The following GRIK1 variants were observed in gnomAD, a reference collection of about 807,000 sequenced individuals.
GRIK1 encodes glutamate receptor ionotropic, kainate 1.
A neutral mutation model predicts 105.7 loss-of-function variants in GRIK1; 69 were observed. That is an observed-to-expected ratio of 0.65 (90% CI 0.54 to 0.80). The LOEUF (loss-of-function observed/expected upper bound fraction) is 0.80, where lower values mean the gene tolerates loss of function less well. Ranked by LOEUF, GRIK1 falls within the 30% of genes least tolerant of loss-of-function variation. The pLI, the probability that GRIK1 is intolerant of heterozygous loss-of-function variation, is 0.00. For missense variants in GRIK1, 1,109 were observed against 1,167.3 expected (o/e 0.95, Z 0.73); for synonymous variants, 438 against 431.3 (o/e 1.02, Z -0.19).
At chr21:29,828,637 G>C (rs539353374) in intron 1 of GRIK1, among the ~76,000 whole-genome samples, 8 of 152,104 alleles carry the variant, frequency 5.3e-5, no homozygotes, top group African/African-American at 1.9e-4. Flanking sequence ...AAGTAGCAGG[G>C]ACTGTAGCTG....
At chr21:29,564,140 C>CATTT (rs572566708) in intron 14 of GRIK1, among the ~76,000 whole-genome samples, 11 of 152,092 alleles carry the variant, frequency 7.2e-5, no homozygotes, top group Admixed American at 2.0e-4. Flanking sequence ...TTTTTCACCA[C>CATTT]ATTTATTTAT....
At chr21:29,761,533 A>T (rs145796729) in intron 1 of GRIK1, 3 of 152,360 alleles carry the variant, frequency 2.0e-5, no homozygotes, top group South Asian at 2.1e-4. Context: ...TGAAATGAAA[A>T]AAAAGCAAAT....
At chr21:29,688,550 T>C (rs760971029) in intron 3 of GRIK1, among the ~76,000 whole-genome samples, 5 of 152,204 alleles carry the variant, frequency 3.3e-5, no homozygotes, top group Admixed American at 6.5e-5. Context: ...TCAATGGTAT[T>C]ATTCTATCCA....
intron 4 of GRIK1, among the ~76,000 whole-genome samples, chr21:29,667,783 A>G (rs752139508): frequency 6.6e-6 from 1 of 152,194 alleles, no homozygotes; most frequent in Non-Finnish European, 1.5e-5. Context: ...TCAGAGAACC[A>G]TTAGGAATGG....
chr21:29,688,849 G>A (rs1001970781), intron 3 of GRIK1, among the ~76,000 whole-genome samples: 5 of 152,116 alleles, frequency 3.3e-5, no homozygotes, highest in African/African-American at 1.2e-4. Flanking sequence ...TGAGGTGCCA[G>A]CCTCAGAAAA....
intron 1 of GRIK1, among the ~76,000 whole-genome samples, chr21:29,829,481 G>A (rs2067566435): frequency 6.6e-6 from 1 of 152,164 alleles, no homozygotes; most frequent in South Asian, 2.1e-4. Flanking sequence ...AACACCCTAT[G>A]AGAACCAAGC....
chr21:29,774,374 A>G (rs1036940809), intron 1 of GRIK1, among the ~76,000 whole-genome samples: 1 of 152,112 alleles, frequency 6.6e-6, no homozygotes, highest in Non-Finnish European at 1.5e-5. Flanking sequence ...CACAGTTGGA[A>G]CAGAGGTAAA....
intron 1 of GRIK1, among the ~76,000 whole-genome samples, chr21:29,788,831 G>T (rs1182022907): frequency 6.6e-6 from 1 of 152,114 alleles, no homozygotes; most frequent in Non-Finnish European, 1.5e-5. Flanking sequence ...TCATAATAGG[G>T]TTCACACTCT....
At chr21:29,636,833 C>CT (rs755208367) in intron 7 of GRIK1, among the ~76,000 whole-genome samples, 30 of 151,418 alleles carry the variant, frequency 2.0e-4, no homozygotes, top group African/African-American at 2.9e-4. Flanking sequence ...AAAACAGTGG[C>CT]TTTTTTTTTA....
chr21:29,673,995 T>A (rs1327034537), intron 3 of GRIK1, among the ~76,000 whole-genome samples: 1 of 152,118 alleles, frequency 6.6e-6, no homozygotes. Context: ...TTCCCTAATG[T>A]TAGCAGGTGC....
Position 29,694,082 on chromosome 21 carries a change from T to C in GRIK1, c.119-19A>G. ...ATCCCTCCTGCAGAAGCAAAAGAGA[T>C]GCATGAGAAGCGTTAGTCACATGGT... On this transcript the variant is annotated intron_variant, in intron 1 of 17. Transcript: ENST00000327783. 1.3e-6 allele frequency: 2 copies of C among 1,512,674 alleles called. No individual in the cohort carries two copies. The highest frequency in any genetic ancestry group is 1.8e-6 in the Non-Finnish European group (2 of 1,088,618). 93.7% of individuals were successfully genotyped at this position (1,512,674 alleles called of 1,614,324 possible). A position where few individuals can be genotyped will look rare whatever the true frequency, so the allele number is the denominator to read the frequency against.
chr21:29,747,899 C>A (rs1476967049), intron 1 of GRIK1, among the ~76,000 whole-genome samples: 1 of 152,200 alleles, frequency 6.6e-6, no homozygotes, highest in Non-Finnish European at 1.5e-5. Flanking sequence ...AAGAAATATT[C>A]TGTGATTTAA....
intron 1 of GRIK1, among the ~76,000 whole-genome samples, chr21:29,875,652 A>G (rs908150995): frequency 3.9e-5 from 6 of 152,116 alleles, no homozygotes; most frequent in Non-Finnish European, 8.8e-5. Flanking sequence ...AGAGCCCACC[A>G]TGACCCAAAT....
chr21:29,915,755 T>C (rs2070974324), intron 1 of GRIK1, among the ~76,000 whole-genome samples: 3 of 152,028 alleles, frequency 2.0e-5, no homozygotes, highest in Non-Finnish European at 4.4e-5. Flanking sequence ...TGAAATGCAA[T>C]AGTGTTACCC....
chr21:29,739,099 C>T (rs1269074744), intron 1 of GRIK1, among the ~76,000 whole-genome samples: 1 of 152,036 alleles, frequency 6.6e-6, no homozygotes, highest in Non-Finnish European at 1.5e-5. Flanking sequence ...AATTATAGTA[C>T]ATTGGAGAAA....
chr21:29,588,397 G>C (rs1186264865), intron 11 of GRIK1, among the ~76,000 whole-genome samples: 1 of 152,116 alleles, frequency 6.6e-6, no homozygotes, highest in East Asian at 1.9e-4. Flanking sequence ...ACTGGATCAT[G>C]GGGTATTGGG....
intron 3 of GRIK1, among the ~76,000 whole-genome samples, chr21:29,675,872 C>A (rs546184708): frequency 6.6e-6 from 1 of 152,292 alleles, no homozygotes; most frequent in South Asian, 2.1e-4. Context: ...GCTCTTTCCT[C>A]CAAATCAGTG....
chr21:29,701,612 T>C (rs1805275829), intron 1 of GRIK1, among the ~76,000 whole-genome samples: 1 of 151,972 alleles, frequency 6.6e-6, no homozygotes, highest in Non-Finnish European at 1.5e-5. Flanking sequence ...AGCAGAGGAG[T>C]GAAATGATAT....
chr21:29,933,110 C>T (rs2071630253), intron 1 of GRIK1, among the ~76,000 whole-genome samples: 1 of 151,934 alleles, frequency 6.6e-6, no homozygotes, highest in South Asian at 2.1e-4. Context: ...AAAATATCTG[C>T]CACCATACTA....
Sources: allele counts gnomAD v4.1 joint callset (sites outside exome capture counted in the v4.1 genomes callset), GRCh38; gene constraint gnomAD v4.1.1; transcripts MANE v1.5; gene names NCBI Gene and HGNC (gene_info 2026-07-23, HGNC 2026-07-21).